Variants in TSPAN5 observed in about 807,000 individuals in gnomAD.
The protein encoded by TSPAN5 is tetraspanin-5.
Under a neutral mutation model 37.1 loss-of-function variants are expected in TSPAN5, and 10 were observed. The ratio of observed to expected loss-of-function variants is 0.27; its 90% CI spans 0.17 to 0.46. The LOEUF (loss-of-function observed/expected upper bound fraction) is 0.46, where lower values mean the gene tolerates loss of function less well. Among genes scored for constraint, TSPAN5 ranks in the 20% least tolerant of loss-of-function variants. The probability of loss-of-function intolerance (pLI) is 1.00; values close to 1 mark genes in which losing one functional copy is unlikely to be tolerated. For missense variants in TSPAN5, 195 were observed against 326.6 expected (o/e 0.60, Z 3.11); for synonymous variants, 110 against 118.9 (o/e 0.93, Z 0.48).
intron 1 of TSPAN5, among the ~76,000 whole-genome samples, chr4:98,628,726 T>A (rs538706746): frequency 6.6e-6 from 1 of 152,154 alleles, no homozygotes; most frequent in Admixed American, 6.5e-5. Context: ...CTTCTAAGCA[T>A]AGGAATCTGC....
At chr4:98,545,535 C>CA (rs1257740418) in intron 1 of TSPAN5, among the ~76,000 whole-genome samples, 1 of 146,950 alleles carries the variant, frequency 6.8e-6, no homozygotes, top group Non-Finnish European at 1.5e-5. Context: ...ACACATAAGA[C>CA]TTTTTTTTTT....
chr4:98,645,105 A>G (rs1757034852), intron 1 of TSPAN5, among the ~76,000 whole-genome samples: 2 of 152,160 alleles, frequency 1.3e-5, no homozygotes, highest in African/African-American at 4.8e-5. Flanking sequence ...CCTTCAATAT[A>G]AAGTCACTGG....
chr4:98,577,518 G>A (rs1331180306), intron 1 of TSPAN5, among the ~76,000 whole-genome samples: 3 of 152,072 alleles, frequency 2.0e-5, no homozygotes, highest in Admixed American at 1.3e-4. Context: ...GATGTCATTT[G>A]CCAACAACTT....
chr4:98,508,522 C>CTTT (rs34342433), intron 1 of TSPAN5, among the ~76,000 whole-genome samples: 4 of 121,926 alleles, frequency 3.3e-5, no homozygotes, highest in Admixed American at 8.5e-5. Context: ...TACTGTTTTT[C>CTTT]TTTTTTTTTT....
intron 1 of TSPAN5, among the ~76,000 whole-genome samples, chr4:98,651,724 A>G (rs559023481): frequency 2.0e-5 from 3 of 152,328 alleles, no homozygotes; most frequent in Admixed American, 2.0e-4. Flanking sequence ...ATGAAACTCT[A>G]CAATTAAAGT....
intron 2 of TSPAN5, among the ~76,000 whole-genome samples, chr4:98,499,711 AGTGCAGTGGC>A (rs1753300201): frequency 8.1e-6 from 1 of 122,708 alleles, no homozygotes; most frequent in Admixed American, 1.1e-4. Flanking sequence ...CCCAGGCTGG[AGTGCAGTGGC>A]GTGATCTGGG....
Position 98,585,739 on chromosome 4 carries a change from A to C in TSPAN5, c.81+72407T>G, listed in dbSNP as rs576877185. 5.9e-5 allele frequency among the ~76,000 whole-genome samples: 9 copies of C among 152,328 alleles called. No homozygotes were observed. In the East Asian group the frequency reaches 1.7e-3, roughly 29 times the overall value. The stretch of plus-strand genomic sequence containing the variant: ...ATAATAGCCTCCAGTTCCATCCATG[A>C]TGCTGCAAGATGTGTTAAGAAGCCT... On this transcript the variant is annotated intron_variant, in intron 1 of 7. Transcript: ENST00000305798.
At chr4:98,599,092 TA>T (rs1311021150) in intron 1 of TSPAN5, among the ~76,000 whole-genome samples, 2 of 152,118 alleles carry the variant, frequency 1.3e-5, no homozygotes, top group African/African-American at 4.8e-5. Flanking sequence ...AAGTGCGAAA[TA>T]ACCCCCAATT....
At chr4:98,535,023 ATG>A (rs2110134080) in intron 1 of TSPAN5, among the ~76,000 whole-genome samples, 1 of 152,206 alleles carries the variant, frequency 6.6e-6, no homozygotes, top group African/African-American at 2.4e-5. Context: ...GGCATTTAGC[ATG>A]TTTACATTTA....
At chr4:98,566,316 T>A (rs1422388111) in intron 1 of TSPAN5, among the ~76,000 whole-genome samples, 2 of 147,926 alleles carry the variant, frequency 1.4e-5, no homozygotes, top group Admixed American at 1.4e-4. Flanking sequence ...TGGAAAGCAA[T>A]CTCTAGCTTG....
chr4:98,604,488 A>G (rs1044990010), intron 1 of TSPAN5, among the ~76,000 whole-genome samples: 2 of 152,262 alleles, frequency 1.3e-5, no homozygotes, highest in Non-Finnish European at 2.9e-5. Flanking sequence ...GAACTGTCTT[A>G]TAAAACAGCT....
chr4:98,652,902 G>A (rs926638427), intron 1 of TSPAN5, among the ~76,000 whole-genome samples: 2 of 152,134 alleles, frequency 1.3e-5, no homozygotes, highest in Non-Finnish European at 2.9e-5. Context: ...CTCCCCACTT[G>A]GCTTCATTTC....
intron 2 of TSPAN5, among the ~76,000 whole-genome samples, chr4:98,495,995 G>A (rs554567906): frequency 6.6e-6 from 1 of 152,292 alleles, no homozygotes; most frequent in African/African-American, 2.4e-5. Flanking sequence ...GGACCCCTTT[G>A]AGATTTATGA....
chr4:98,587,075 A>G (rs527465009), intron 1 of TSPAN5, among the ~76,000 whole-genome samples: 2 of 152,360 alleles, frequency 1.3e-5, no homozygotes, highest in Non-Finnish European at 2.9e-5. Flanking sequence ...TTGGATGGAC[A>G]TCCTTCGATG....
chr4:98,655,081 G>A (rs1418569533), intron 1 of TSPAN5, among the ~76,000 whole-genome samples: 2 of 152,196 alleles, frequency 1.3e-5, no homozygotes, highest in African/African-American at 4.8e-5. Flanking sequence ...TCCTGAACTT[G>A]TGATCCGTCC....
chr4:98,479,143 A>C (rs1578932877), intron 4 of TSPAN5, among the ~76,000 whole-genome samples: 1 of 152,308 alleles, frequency 6.6e-6, no homozygotes, highest in East Asian at 1.9e-4. Flanking sequence ...GAGAAACAAG[A>C]ACATTCTAGA....
chr4:98,605,825 G>A (rs1438065879), intron 1 of TSPAN5, among the ~76,000 whole-genome samples: 1 of 152,052 alleles, frequency 6.6e-6, no homozygotes, highest in Non-Finnish European at 1.5e-5. Flanking sequence ...ATCCAGCATT[G>A]GTCAAAAAAA....
chr4:98,606,452 C>A (rs1210472454), intron 1 of TSPAN5, among the ~76,000 whole-genome samples: 1 of 152,186 alleles, frequency 6.6e-6, no homozygotes, highest in African/African-American at 2.4e-5. Flanking sequence ...CATGCTATTT[C>A]TGGATAAAAC....
chr4:98,510,567 T>C (rs893123630), intron 1 of TSPAN5, among the ~76,000 whole-genome samples: 1 of 152,206 alleles, frequency 6.6e-6, no homozygotes. Context: ...CTTGGCACTT[T>C]GAGACAACTT....
Sources: allele counts gnomAD v4.1 joint callset (sites outside exome capture counted in the v4.1 genomes callset), GRCh38; gene constraint gnomAD v4.1.1; transcripts MANE v1.5; gene names NCBI Gene and HGNC (gene_info 2026-07-23, HGNC 2026-07-21).